Variants in C20orf203 observed in about 807,000 individuals in gnomAD.
C20orf203 encodes chromosome 20 open reading frame 203.
C20orf203 carries 16 observed loss-of-function variants against 15.9 expected under a neutral mutation model. That is an observed-to-expected ratio of 1.01 (90% CI 0.68 to 1.53). C20orf203 has a LOEUF of 1.53. C20orf203 is among the 40% of genes most tolerant of loss of function. The pLI is 0.00. For missense variants in C20orf203, 263 were observed against 247.5 expected, an observed-to-expected ratio of 1.06 and a Z score of -0.42; for synonymous variants, 98 against 97.2, an observed-to-expected ratio of 1.01 and a Z score of -0.05.
intron 1 of C20orf203, among the ~76,000 whole-genome samples, chr20:32,652,948 C>T (rs1054031766): frequency 2.0e-5 from 3 of 152,182 alleles, no homozygotes; most frequent in African/African-American, 7.2e-5. Flanking sequence ...CACTCCCTTC[C>T]TGGAGATCAG....
At chr20:32,644,213 C>T (rs1470805018) in intron 4 of C20orf203, among the ~76,000 whole-genome samples, 1 of 152,106 alleles carries the variant, frequency 6.6e-6, no homozygotes, top group Non-Finnish European at 1.5e-5. Flanking sequence ...TTTGGGAGGC[C>T]GAGGCGGGTG....
intron 1 of C20orf203, among the ~76,000 whole-genome samples, chr20:32,653,974 C>T (rs1600935127): frequency 6.6e-6 from 1 of 151,760 alleles, no homozygotes; most frequent in East Asian, 1.9e-4. Context: ...GTGCCTGTAA[C>T]CCCAGCTACT....
chr20:32,650,826 G>T lies in C20orf203; in HGVS notation c.191C>A (p.Ala64Glu). ...TAHLWDLGGG[A>E]GRRTSKAQRV... The stretch of plus-strand genomic sequence containing the variant: ...CTGAGCCTTTGAGGTCCTCCTTCCC[G>T]CCCCACCGCCAAGGTCCCAGAGGTG... The change falls in exon 4 of 6, where the codon GCG becomes GAG. Residue 64 changes from alanine to glutamate, a missense_variant. Physicochemically the swap from Ala to Glu is moderately radical, Grantham distance 107. Coordinates refer to ENST00000608990, the MANE Select transcript of C20orf203 (RefSeq NM_182584.4). 3 of 1,472,582 alleles carry T rather than the reference G, an allele frequency of 2.0e-6. No individual in the cohort carries two copies. Among genetic ancestry groups the T allele is most frequent in the African/African-American group, 1.4e-5 (1 of 70,978 alleles). 91.2% of individuals were successfully genotyped at this position (1,472,582 alleles called of 1,614,324 possible). A position where few individuals can be genotyped will look rare whatever the true frequency, so the allele number is the denominator to read the frequency against.
intron 5 of C20orf203, among the ~76,000 whole-genome samples, chr20:32,638,822 G>T (rs188312489): frequency 5.3e-5 from 8 of 152,172 alleles, no homozygotes; most frequent in South Asian, 4.1e-4. Context: ...AAGCAGAAAG[G>T]GGGGGCGGGC....
chr20:32,638,014 T>TTG lies in C20orf203; in HGVS notation c.*1299+2550_*1299+2551dup, dbSNP rs149169520. On this transcript the variant is annotated intron_variant, in intron 5 of 5. Transcript: ENST00000608990. Reference sequence around the variant, plus strand: ...GTGTACTTGTTGTTTGCATGTGTGCTTGTGTGTGTGTGTGTGTGTATACAA... The same window carrying TTG: ...GTGTACTTGTTGTTTGCATGTGTGCTTGTGTGTGTGTGTGTGTGTGTATACAA... Among the ~76,000 whole-genome samples, 815 of 149,982 alleles carry TTG rather than the reference T, an allele frequency of 5.4e-3. 2 individuals carry two copies. The highest frequency in any genetic ancestry group is 0.011 in the South Asian group (53 of 4,714).
intron 5 of C20orf203, among the ~76,000 whole-genome samples, chr20:32,637,196 T>C (rs947477408): frequency 6.6e-6 from 1 of 152,202 alleles, no homozygotes; most frequent in East Asian, 1.9e-4. Context: ...GTGGATCTCC[T>C]GAGGTCAGGA....
chr20:32,646,240 G>A (rs1199009443), intron 4 of C20orf203, among the ~76,000 whole-genome samples: 5 of 141,934 alleles, frequency 3.5e-5, no homozygotes, highest in Admixed American at 7.6e-5. Context: ...ACAGAGTCTC[G>A]CTCGATTTTT....
intron 1 of C20orf203, among the ~76,000 whole-genome samples, chr20:32,665,666 G>C (rs996172781): frequency 6.6e-6 from 1 of 152,122 alleles, no homozygotes; most frequent in Non-Finnish European, 1.5e-5. Flanking sequence ...CAGGAGCCAC[G>C]ACAAAAAGGT....
intron 2 of C20orf203, among the ~76,000 whole-genome samples, 177 bp downstream of exon 2, chr20:32,651,556 G>T (rs2145672601): frequency 6.6e-6 from 1 of 152,306 alleles, no homozygotes; most frequent in East Asian, 1.9e-4. Flanking sequence ...TTCCCCATTT[G>T]CAAGGCTGGG....
chr20:32,667,867 C>T (rs1343774982), intron 1 of C20orf203, among the ~76,000 whole-genome samples: 1 of 152,122 alleles, frequency 6.6e-6, no homozygotes, highest in Admixed American at 6.6e-5. Flanking sequence ...AGACAGGTTT[C>T]ACCATGTTAG....
intron 4 of C20orf203, among the ~76,000 whole-genome samples, chr20:32,644,546 A>C (rs1982370345): frequency 6.6e-6 from 1 of 152,098 alleles, no homozygotes; most frequent in Admixed American, 6.6e-5. Flanking sequence ...CAGGCAAGGG[A>C]GATGTCAAGG....
intron 1 of C20orf203, among the ~76,000 whole-genome samples, chr20:32,658,408 T>G (rs1982814210): frequency 6.6e-6 from 1 of 152,032 alleles, no homozygotes; most frequent in Non-Finnish European, 1.5e-5. Context: ...GCTCAAGGAA[T>G]CCTCTCAAGT....
At chr20:32,643,640 C>T (rs1209329919) in intron 4 of C20orf203, among the ~76,000 whole-genome samples, 2 of 82,820 alleles carry the variant, frequency 2.4e-5, no homozygotes, top group African/African-American at 3.5e-5. Context: ...CACACACACA[C>T]ACACACACAC....
At position 32,666,797 on chromosome 20, in the gene C20orf203, T is replaced by TTTTATATATATATATATATATATA. The variant is rs367964394; in HGVS notation, c.-264+6834_-264+6835insTATATATATATATATATATATAAA. 8.5e-3 allele frequency among the ~76,000 whole-genome samples: 560 copies of TTTTATATATATATATATATATATA among 65,504 alleles called. 89 individuals carry two copies. The highest frequency in any genetic ancestry group is 0.054 in the Middle Eastern group (3 of 56). The allele number at this position is 65,504 out of a possible 152,430, so 43.0% of individuals were successfully genotyped here. A position where few individuals can be genotyped will look rare whatever the true frequency, so the allele number is the denominator to read the frequency against. ...AAAAAAAGATGAAATTAATTTTAAT[T>TTTTATATATATATATATATATATA]TATATATATATATATATATATATAT... On this transcript the variant is annotated intron_variant, in intron 1 of 5. Coordinates refer to ENST00000608990, the MANE Select transcript of C20orf203 (RefSeq NM_182584.4).
At position 32,651,003 on chromosome 20, in the gene C20orf203, G is replaced by A. The variant is rs930130255; in HGVS notation, c.135+15C>T. On this transcript the variant is annotated intron_variant, in intron 3 of 5. Coordinates refer to ENST00000608990, the MANE Select transcript of C20orf203 (RefSeq NM_182584.4). ...TGTCAGCCCAGGTGTGGGAGACAGG[G>A]ACAGCACTTCTTACCCGGCTCAGCA... is the stretch of plus-strand genomic sequence containing the variant. 2 of 1,475,010 alleles carry A rather than the reference G, an allele frequency of 1.4e-6. No homozygotes were observed. The highest frequency in any genetic ancestry group is 2.8e-5 in the African/African-American group (2 of 70,540). The allele number at this position is 1,475,010 out of a possible 1,614,324, so 91.4% of individuals were successfully genotyped here.
In C20orf203 at chr20:32,650,443, G is replaced by GCGAC. The variant is rs1568749757; in HGVS notation, c.570_573dup (p.Leu192ValfsTer4). 1.3e-6 allele frequency: 2 copies of GCGAC among 1,549,746 alleles called. No individual in the cohort carries two copies. Among genetic ancestry groups the GCGAC allele is most frequent in the Admixed American group, 2.0e-5 (1 of 50,982 alleles). On this transcript the variant is annotated frameshift_variant, in exon 4 of 6. Coordinates refer to ENST00000608990, the MANE Select transcript of C20orf203 (RefSeq NM_182584.4). LOFTEE classifies it high-confidence loss of function. ...CGCCCTGGGCTCGGCTAATTAAACA[G>GCGAC]CGACCGTGATGAATTGGAGAGAAAC...
At chr20:32,673,071 A>G (rs1983210912) in intron 1 of C20orf203, among the ~76,000 whole-genome samples, 1 of 152,130 alleles carries the variant, frequency 6.6e-6, no homozygotes, top group Admixed American at 6.5e-5. Context: ...ACTCCTTGGT[A>G]GTAAGGGCTG....
intron 1 of C20orf203, among the ~76,000 whole-genome samples, chr20:32,659,813 C>A (rs1425194116): frequency 6.6e-6 from 1 of 152,240 alleles, no homozygotes; most frequent in African/African-American, 2.4e-5. Context: ...CTGTGAGGGG[C>A]CATGGGCATG....
Position 32,650,656 on chromosome 20 carries a change from C to T in C20orf203, c.361G>A (p.Glu121Lys), listed in dbSNP as rs867416126. 6.5e-7 allele frequency: 1 copy of T among 1,547,886 alleles called. No homozygotes were observed. The highest frequency in any genetic ancestry group is 8.7e-7 in the Non-Finnish European group (1 of 1,145,126). ...GGGGCCCGCAGCCCCCTCCCCACTTCCCTATCTCTCCGACCCACCTTGCTG... is the reference window on the plus strand; with the variant it reads ...GGGGCCCGCAGCCCCCTCCCCACTTTCCTATCTCTCCGACCCACCTTGCTG... ...RLSKVGRRDR[E>K]VGRGLRAPAG... The change falls in exon 4 of 6, where the codon GAA becomes AAA. Residue 121 changes from glutamate (E) to lysine (K), a missense_variant. By Grantham distance (56) the Glu-to-Lys change is moderately conservative (BLOSUM62 1). Transcript: ENST00000608990.
Sources: gnomAD v4.1 joint callset for allele counts (sites outside exome capture counted in the v4.1 genomes callset) on GRCh38, gnomAD v4.1.1 for gene constraint, MANE v1.5 for transcripts, NCBI Gene and HGNC (gene_info 2026-07-23, HGNC 2026-07-21) for gene names.